The following CTNNA3 variants were observed in gnomAD, a reference collection of about 807,000 sequenced individuals.
The protein encoded by CTNNA3 is catenin alpha-3.
In CTNNA3, 76 loss-of-function variants were observed where a neutral mutation model predicts 95.7. The ratio of observed to expected loss-of-function variants is 0.79; its 90% CI spans 0.66 to 0.96. The LOEUF is 0.96. Among genes scored for constraint, CTNNA3 ranks in the 40% least tolerant of loss-of-function variants. The probability of loss-of-function intolerance (pLI) is 0.00; values close to 1 mark genes in which losing one functional copy is unlikely to be tolerated. For synonymous variants in CTNNA3, 431 were observed against 374.4 expected, an observed-to-expected ratio of 1.15 and a Z score of -1.74; for missense variants, 1,191 against 1,089.8, an observed-to-expected ratio of 1.09 and a Z score of -1.31.
chr10:67,689,971 G>C (rs1229241282), intron 1 of CTNNA3, among the ~76,000 whole-genome samples: 1 of 152,188 alleles, frequency 6.6e-6, no homozygotes, highest in Non-Finnish European at 1.5e-5. Flanking sequence ...TTGCCAAAAT[G>C]TGTCCAGAAT....
chr10:66,844,220 T>A (rs796621190), intron 7 of CTNNA3, among the ~76,000 whole-genome samples: 3 of 152,364 alleles, frequency 2.0e-5, no homozygotes, highest in African/African-American at 7.2e-5. Flanking sequence ...TGACTACTCT[T>A]GTTCTTTTTG....
chr10:67,634,270 G>C (rs1839236107), intron 2 of CTNNA3, among the ~76,000 whole-genome samples: 1 of 152,138 alleles, frequency 6.6e-6, no homozygotes, highest in South Asian at 2.1e-4. Flanking sequence ...TTTTCAGACA[G>C]GCAAATGCTG....
chr10:66,614,468 A>G (rs1443080909), intron 10 of CTNNA3, among the ~76,000 whole-genome samples: 1 of 151,972 alleles, frequency 6.6e-6, no homozygotes, highest in East Asian at 1.9e-4. Context: ...TATGAATACA[A>G]GTGATCTCCA....
At chr10:66,751,777 C>T (rs1184125113) in intron 9 of CTNNA3, among the ~76,000 whole-genome samples, 1 of 151,972 alleles carries the variant, frequency 6.6e-6, no homozygotes, top group Non-Finnish European at 1.5e-5. Context: ...GGCAACTTTC[C>T]TAAAATTTCT....
chr10:66,199,729 T>G, intron 13 of CTNNA3, among the ~76,000 whole-genome samples: 1 of 132,486 alleles, frequency 7.5e-6, no homozygotes. Context: ...AGCCTCCTGA[T>G]TAGCTGGGAT....
chr10:67,565,772 C>T (rs1371096943), intron 3 of CTNNA3, among the ~76,000 whole-genome samples: 2 of 148,938 alleles, frequency 1.3e-5, no homozygotes, highest in Non-Finnish European at 3.0e-5. Context: ...ATTAGTACAG[C>T]CTCTATGGAA....
intron 7 of CTNNA3, among the ~76,000 whole-genome samples, chr10:66,907,197 G>A (rs1846024046): frequency 6.6e-6 from 1 of 152,002 alleles, no homozygotes. Context: ...TATAAACTGT[G>A]CACATTTCTT....
intron 6 of CTNNA3, among the ~76,000 whole-genome samples, chr10:67,199,941 T>C (rs902935997): frequency 6.6e-6 from 1 of 152,142 alleles, no homozygotes; most frequent in Non-Finnish European, 1.5e-5. Context: ...CTTATCAGGA[T>C]ATTATAAAAC....
At chr10:67,231,973 A>C (rs1230544618) in intron 5 of CTNNA3, among the ~76,000 whole-genome samples, 1 of 152,198 alleles carries the variant, frequency 6.6e-6, no homozygotes. Context: ...AAAGAATAAA[A>C]AGAAACGAGC....
intron 15 of CTNNA3, among the ~76,000 whole-genome samples, chr10:66,015,536 T>C (rs931413082): frequency 6.6e-6 from 1 of 152,116 alleles, no homozygotes; most frequent in African/African-American, 2.4e-5. Context: ...GTGACTGAGA[T>C]TGCTGGGTTG....
intron 12 of CTNNA3, among the ~76,000 whole-genome samples, chr10:66,366,467 G>A (rs1297463161): frequency 6.6e-6 from 1 of 152,060 alleles, no homozygotes; most frequent in Non-Finnish European, 1.5e-5. Flanking sequence ...TAAGTGGTAG[G>A]ACCTTTAAAA....
intron 17 of CTNNA3, among the ~76,000 whole-genome samples, chr10:65,965,781 C>T (rs190811630): frequency 2.6e-5 from 4 of 151,746 alleles, no homozygotes; most frequent in African/African-American, 7.3e-5. Flanking sequence ...GAGGGACTGT[C>T]GAATGCCAGG....
intron 7 of CTNNA3, among the ~76,000 whole-genome samples, chr10:67,029,255 T>C (rs1179376635): frequency 6.6e-6 from 1 of 152,240 alleles, no homozygotes; most frequent in Non-Finnish European, 1.5e-5. Flanking sequence ...AACATGAATT[T>C]ACAGTTGAAA....
intron 7 of CTNNA3, among the ~76,000 whole-genome samples, chr10:66,804,720 T>C (rs1415605174): frequency 1.3e-5 from 2 of 152,072 alleles, no homozygotes; most frequent in Admixed American, 6.6e-5. Context: ...TCCCGTTGCA[T>C]TGTAGTTGTC....
chr10:66,998,501 G>C (rs1030307577), intron 7 of CTNNA3, among the ~76,000 whole-genome samples: 1 of 151,888 alleles, frequency 6.6e-6, no homozygotes, highest in Non-Finnish European at 1.5e-5. Context: ...CTTTTTGCAA[G>C]ACACACAAAT....
rs963916213 is a variant in CTNNA3, at chr10:65,914,226, G to A, written c.*6104C>T. 3.9e-5 allele frequency: 6 copies of A among 151,984 alleles called. No individual in the cohort carries two copies. The highest frequency in any genetic ancestry group is 7.4e-5 in the Non-Finnish European group (5 of 68,000). The allele number at this position is 151,984 out of a possible 1,614,324, so 9.4% of individuals were successfully genotyped here. On this transcript the variant is annotated 3_prime_UTR_variant, in exon 18 of 18. Transcript: ENST00000433211. ...TTGAAAGAGAATTTTCTCCTTGAGGGCTTTCCTTTCCTACAGTTGGGAATA... is the reference window on the plus strand; with the variant it reads ...TTGAAAGAGAATTTTCTCCTTGAGGACTTTCCTTTCCTACAGTTGGGAATA...
At chr10:67,312,219 C>T (rs984874729) in intron 5 of CTNNA3, among the ~76,000 whole-genome samples, 2 of 151,932 alleles carry the variant, frequency 1.3e-5, no homozygotes, top group Admixed American at 6.6e-5. Flanking sequence ...ATTACAGGCA[C>T]GCACCACCGT....
intron 7 of CTNNA3, among the ~76,000 whole-genome samples, chr10:67,001,428 G>T (rs533071475): frequency 1.3e-5 from 2 of 151,958 alleles, no homozygotes; most frequent in South Asian, 4.2e-4. Context: ...CCAAAAAGGT[G>T]AAGTAGGAGC....
chr10:66,783,536 T>C (rs1487842186), intron 7 of CTNNA3, among the ~76,000 whole-genome samples: 1 of 152,116 alleles, frequency 6.6e-6, no homozygotes. Context: ...GAAAAGTGCC[T>C]ACCCCTGAAG....
Sources: gnomAD v4.1 joint callset for allele counts (sites outside exome capture counted in the v4.1 genomes callset) on GRCh38, gnomAD v4.1.1 for gene constraint, MANE v1.5 for transcripts, NCBI Gene and HGNC (gene_info 2026-07-23, HGNC 2026-07-21) for gene names.